CMIP: variants seen among roughly 807,000 people sequenced by gnomAD.
CMIP encodes c-Maf inducing protein.
In CMIP, 13 loss-of-function variants were observed where a neutral mutation model predicts 97.3. That is an observed-to-expected ratio of 0.13 (90% CI 0.09 to 0.21). CMIP has a LOEUF of 0.21. Ranked by LOEUF, CMIP falls within the 10% of genes least tolerant of loss-of-function variation. The pLI, the probability that CMIP is intolerant of heterozygous loss-of-function variation, is 1.00. For synonymous variants in CMIP, 538 were observed against 436.3 expected, an observed-to-expected ratio of 1.23 and a Z score of -2.91; for missense variants, 847 against 1,024.9, an observed-to-expected ratio of 0.83 and a Z score of 2.37.
rs11331169 is a variant in CMIP at position 81,616,153 on chromosome 16, A to AT, written c.427-4704dup. Among the ~76,000 whole-genome samples, 6,665 of 132,692 alleles carry AT rather than the reference A, an allele frequency of 0.05. 319 individuals are homozygous for AT. Among genetic ancestry groups the AT allele is most frequent in the East Asian group, 0.23 (1,039 of 4,534 alleles). 87.1% of individuals were successfully genotyped at this position (132,692 alleles called of 152,430 possible). A position where few individuals can be genotyped will look rare whatever the true frequency, so the allele number is the denominator to read the frequency against. ...ACATGTCATTAATTCATTCAGCTGT[A>AT]TTTTTTTTTTTTTTTTTTTAACACC... On this transcript the variant is annotated intron_variant, in intron 2 of 20. Coordinates refer to ENST00000537098, the MANE Select transcript of CMIP (RefSeq NM_198390.3). The surrounding 1 kb of genome is among the most constrained non-coding windows in gnomAD (Gnocchi z 4.7).
intron 9 of CMIP, among the ~76,000 whole-genome samples, chr16:81,676,116 G>A (rs184619310): frequency 5.9e-5 from 9 of 152,316 alleles, no homozygotes; most frequent in Admixed American, 2.6e-4. Context: ...GGTGGCTGTG[G>A]CAAGGAGATG....
rs573246942 is a variant in CMIP at position 81,627,917 on chromosome 16, G to A, written c.477+6991G>A. Among the ~76,000 whole-genome samples, 147 of 152,310 alleles carry A rather than the reference G, an allele frequency of 9.7e-4. No homozygotes were observed. The highest frequency in any genetic ancestry group is 3.5e-3 in the African/African-American group (145 of 41,558). ...AGGCAAAGTGCCTGGGGCTCAGAGA[G>A]GGGAAGCCCACCTGACGGGAAGCTG... On this transcript the variant is annotated intron_variant, in intron 3 of 20. Coordinates refer to ENST00000537098, the MANE Select transcript of CMIP (RefSeq NM_198390.3). The surrounding 1 kb of genome is among the most constrained non-coding windows in gnomAD (Gnocchi z 4.6).
chr16:81,617,941 G>T (rs1475423617), intron 2 of CMIP, among the ~76,000 whole-genome samples: 1 of 152,226 alleles, frequency 6.6e-6, no homozygotes, highest in Non-Finnish European at 1.5e-5. Flanking sequence ...AGGGAGGGAT[G>T]TGGTTGTCCT....
At chr16:81,479,112 G>T (rs145070364) in intron 1 of CMIP, among the ~76,000 whole-genome samples, 1 of 152,312 alleles carries the variant, frequency 6.6e-6, no homozygotes, top group East Asian at 1.9e-4. Context: ...CCTGGGGGGA[G>T]GGGGAAGGAG....
chr16:81,514,336 A>C (rs1001518207), intron 1 of CMIP, among the ~76,000 whole-genome samples: 1 of 152,100 alleles, frequency 6.6e-6, no homozygotes, highest in African/African-American at 2.4e-5. Flanking sequence ...GGGTGAGGGA[A>C]GCTTCCAGAA....
intron 1 of CMIP, among the ~76,000 whole-genome samples, chr16:81,543,641 T>G (rs2090490730): frequency 6.6e-6 from 1 of 152,204 alleles, no homozygotes. Context: ...GTTCCTCAGT[T>G]TCCCCACCTA....
rs775054445 is a variant in CMIP at position 81,670,250 on chromosome 16, GT to G, written c.929+6del. 3.1e-6 allele frequency: 5 copies of G among 1,606,114 alleles called. No homozygotes were observed. The South Asian group carries it at 5.6e-5, about 18-fold the overall frequency. On this transcript the variant is annotated splice_donor_region_variant and intron_variant, in intron 8 of 20. Transcript: ENST00000537098. ...GGTGAAGAAGTTCATTCAGAGGTGG[GT>G]CTCCGGCGCGACGTCCCTCTGTGGC... is the stretch of plus-strand genomic sequence containing the variant.
chr16:81,446,144 G>A (rs1034021106), intron 1 of CMIP, among the ~76,000 whole-genome samples: 2 of 152,184 alleles, frequency 1.3e-5, no homozygotes, highest in African/African-American at 2.4e-5. Context: ...GTTGGAAGTG[G>A]AGGGGGAGGG....
chr16:81,537,705 GAAAGA>G lies in CMIP; in HGVS notation c.301-69844_301-69840del, dbSNP rs557455245. On this transcript the variant is annotated intron_variant, in intron 1 of 20. Transcript: ENST00000537098. Reference sequence around the variant, plus strand: ...ATATAGTGAGACGCCCATCTCTGTTGAAAGAAAAGAAAAGAAAAGAAATGCCCCAA... The same window carrying G: ...ATATAGTGAGACGCCCATCTCTGTTGAAAGAAAAGAAAAGAAATGCCCCAA... Among the ~76,000 whole-genome samples, 127 of 132,668 alleles carry G rather than the reference GAAAGA, an allele frequency of 9.6e-4. No homozygotes were observed. The South Asian group carries it at 0.012, about 12-fold the overall frequency. 87.0% of individuals were successfully genotyped at this position (132,668 alleles called of 152,430 possible).
chr16:81,528,816 C>G (rs73594494), intron 1 of CMIP, among the ~76,000 whole-genome samples: 1 of 152,150 alleles, frequency 6.6e-6, no homozygotes, highest in Admixed American at 6.5e-5. Context: ...GCTTTACTGC[C>G]ATCATCATCT....
intron 10 of CMIP, among the ~76,000 whole-genome samples, chr16:81,680,945 A>G (rs1043568956): frequency 7.2e-5 from 11 of 152,168 alleles, no homozygotes; most frequent in African/African-American, 2.4e-4. Flanking sequence ...GTTGACACAC[A>G]TTTTTTCCTT....
chr16:81,508,211 A>G lies in CMIP; in HGVS notation c.300+62670A>G, dbSNP rs558581020. On this transcript the variant is annotated intron_variant, in intron 1 of 20. Transcript: ENST00000537098. The stretch of plus-strand genomic sequence containing the variant: ...ATATGATGCACAGCTCAGGAAATCT[A>G]TAAGGAAATGTGGTGAAAAGTCCCT... Among the ~76,000 whole-genome samples the G allele has an allele frequency of 1.8e-3, 268 of 152,372 alleles. 2 individuals carry two copies. Among genetic ancestry groups the G allele is most frequent in the African/African-American group, 6.2e-3 (257 of 41,586 alleles).
intron 1 of CMIP, among the ~76,000 whole-genome samples, chr16:81,571,598 A>G (rs1285489107): frequency 6.6e-6 from 1 of 151,314 alleles, no homozygotes; most frequent in Non-Finnish European, 1.5e-5. Flanking sequence ...AAAAAAAAAA[A>G]AAAAAAAAAA....
intron 1 of CMIP, among the ~76,000 whole-genome samples, chr16:81,487,379 G>T (rs566372632): frequency 6.6e-6 from 1 of 152,230 alleles, no homozygotes; most frequent in Non-Finnish European, 1.5e-5. Context: ...AGGGCCGAGT[G>T]GGGCTCTGAC....
chr16:81,508,665 T>C (rs1056720941), intron 1 of CMIP, among the ~76,000 whole-genome samples: 6 of 152,228 alleles, frequency 3.9e-5, no homozygotes, highest in African/African-American at 9.6e-5. Flanking sequence ...GGAATATTGA[T>C]AGGTATTTAC....
intron 1 of CMIP, among the ~76,000 whole-genome samples, chr16:81,508,709 G>T (rs2089756068): frequency 6.6e-6 from 1 of 152,252 alleles, no homozygotes; most frequent in African/African-American, 2.4e-5. Flanking sequence ...CTCTCCATCA[G>T]TCTGAGAGGG....
In CMIP at chr16:81,563,579, A is replaced by G. The variant is rs929191605; in HGVS notation, c.301-43988A>G. On this transcript the variant is annotated intron_variant, in intron 1 of 20. Transcript: ENST00000537098. ...AAACCCCCAGGCGATACATGTGCAC[A>G]TTAAAGCTGAGACACTGGTGTGGAC... is the stretch of plus-strand genomic sequence containing the variant. 5.3e-5 allele frequency among the ~76,000 whole-genome samples: 8 copies of G among 152,208 alleles called. No homozygotes were observed. The South Asian group carries it at 6.2e-4, about 12-fold the overall frequency.
chr16:81,563,221 A>G (rs2090918611), intron 1 of CMIP, among the ~76,000 whole-genome samples: 1 of 152,246 alleles, frequency 6.6e-6, no homozygotes. Flanking sequence ...TGGCAGACAC[A>G]GAGGAACAGT....
chr16:81,600,625 C>T (rs2091642450), intron 1 of CMIP, among the ~76,000 whole-genome samples: 1 of 152,068 alleles, frequency 6.6e-6, no homozygotes, highest in Non-Finnish European at 1.5e-5. Flanking sequence ...TATGGGGCTT[C>T]CTTTGGGAGT....
Sources: allele counts gnomAD v4.1 joint callset (sites outside exome capture counted in the v4.1 genomes callset), GRCh38; gene constraint gnomAD v4.1.1; non-coding constraint Gnocchi (gnomAD v3.1); transcripts MANE v1.5; gene names NCBI Gene and HGNC (gene_info 2026-07-23, HGNC 2026-07-21).